WWTR1: variants seen among roughly 807,000 people sequenced by gnomAD.
WWTR1 encodes WW domain containing transcription regulator 1, also known as WW domain-containing transcription regulator protein 1.
In WWTR1, 13 loss-of-function variants were observed where a neutral mutation model predicts 40.1. That is an observed-to-expected ratio of 0.32 (90% CI 0.21 to 0.52). WWTR1 has a LOEUF of 0.52. Among genes scored for constraint, WWTR1 ranks in the 20% least tolerant of loss-of-function variants. The pLI is 0.97. For synonymous variants in WWTR1, 230 were observed against 210.1 expected, an observed-to-expected ratio of 1.09 and a Z score of -0.82; for missense variants, 436 against 523.1, an observed-to-expected ratio of 0.83 and a Z score of 1.63.
intron 4 of WWTR1, among the ~76,000 whole-genome samples, chr3:149,539,963 A>G (rs1427920926): frequency 6.6e-6 from 1 of 152,020 alleles, no homozygotes; most frequent in Non-Finnish European, 1.5e-5. Flanking sequence ...CTGCATGGGG[A>G]AAAAATCTGC....
chr3:149,687,206 C>T (rs933755535), intron 1 of WWTR1, among the ~76,000 whole-genome samples: 6 of 152,138 alleles, frequency 3.9e-5, no homozygotes, highest in Non-Finnish European at 7.3e-5. Context: ...ATTTTAGAGC[C>T]TGGGTTCCCC....
intron 4 of WWTR1, among the ~76,000 whole-genome samples, chr3:149,538,516 A>G (rs1201323324): frequency 1.3e-5 from 2 of 152,188 alleles, no homozygotes; most frequent in Admixed American, 6.5e-5. Context: ...TAATTCATCA[A>G]TTATCAGATA....
At chr3:149,571,411 T>G (rs1737624943) in intron 3 of WWTR1, among the ~76,000 whole-genome samples, 3 of 152,092 alleles carry the variant, frequency 2.0e-5, no homozygotes, top group Admixed American at 2.0e-4. Context: ...GGCATCTGAT[T>G]TCTACACGAG....
chr3:149,626,871 G>A (rs1437174934), intron 2 of WWTR1, among the ~76,000 whole-genome samples: 1 of 152,128 alleles, frequency 6.6e-6, no homozygotes, highest in Non-Finnish European at 1.5e-5. Context: ...CCACCAAGCA[G>A]CTGCTTGGCC....
Position 149,517,804 on chromosome 3 carries a change from C to A in WWTR1, c.*3001G>T, listed in dbSNP as rs1734854047. 6.6e-6 allele frequency: 1 copy of A among 152,164 alleles called. No individual in the cohort carries two copies. Among genetic ancestry groups the A allele is most frequent in the South Asian group, 2.1e-4 (1 of 4,830 alleles). 9.4% of individuals were successfully genotyped at this position (152,164 alleles called of 1,614,324 possible). A position where few individuals can be genotyped will look rare whatever the true frequency, so the allele number is the denominator to read the frequency against. On this transcript the variant is annotated 3_prime_UTR_variant, in exon 7 of 7. Transcript: ENST00000360632. The stretch of plus-strand genomic sequence containing the variant: ...CAATTAGGTTTTGACAATGTATTTA[C>A]TTCAAGACAATGTATTTTATCAGGA...
intron 2 of WWTR1, among the ~76,000 whole-genome samples, chr3:149,578,208 C>T (rs1047136446): frequency 3.9e-5 from 6 of 152,162 alleles, no homozygotes; most frequent in African/African-American, 1.4e-4. Flanking sequence ...TGTGGAGTCA[C>T]ATATACCTGG....
chr3:149,585,643 TTGG>T (rs1560072497), intron 2 of WWTR1, among the ~76,000 whole-genome samples: 1 of 152,166 alleles, frequency 6.6e-6, no homozygotes, highest in Admixed American at 6.5e-5. Context: ...ACTGCCCTTG[TTGG>T]TAATGAGTGC....
At chr3:149,607,475 C>A (rs946632038) in intron 2 of WWTR1, among the ~76,000 whole-genome samples, 1 of 152,000 alleles carries the variant, frequency 6.6e-6, no homozygotes, top group Non-Finnish European at 1.5e-5. Context: ...CCGCAATGCC[C>A]GGGTAAATTT....
chr3:149,541,117 C>A, intron 4 of WWTR1: 4 of 447,712 alleles, frequency 8.9e-6, no homozygotes, highest in Non-Finnish European at 1.8e-5. Context: ...ATTCATGTAT[C>A]TTGCTTCATG....
intron 4 of WWTR1, among the ~76,000 whole-genome samples, chr3:149,537,101 G>A (rs1560049416): frequency 6.6e-6 from 1 of 152,110 alleles, no homozygotes; most frequent in African/African-American, 2.4e-5. Flanking sequence ...CACTTCATTT[G>A]GTAAAGTTGC....
At chr3:149,701,337 G>A (rs926397860) in intron 1 of WWTR1, among the ~76,000 whole-genome samples, 2 of 152,102 alleles carry the variant, frequency 1.3e-5, no homozygotes, top group East Asian at 1.9e-4. Flanking sequence ...AGGCCTTTCC[G>A]ATCACCTGTG....
At chr3:149,603,030 T>G (rs550815041) in intron 2 of WWTR1, among the ~76,000 whole-genome samples, 2 of 152,318 alleles carry the variant, frequency 1.3e-5, no homozygotes, top group South Asian at 4.2e-4. Flanking sequence ...TTCTTTCTAC[T>G]CTAGGTTTCA....
chr3:149,620,570 C>CACA (rs1553799938), intron 2 of WWTR1, among the ~76,000 whole-genome samples: 13 of 150,498 alleles, frequency 8.6e-5, no homozygotes, highest in Non-Finnish European at 4.4e-5. Context: ...CCGCTCCCCC[C>CACA]CACACACACA....
At chr3:149,618,058 ATTAC>A (rs1740076331) in intron 2 of WWTR1, among the ~76,000 whole-genome samples, 2 of 152,342 alleles carry the variant, frequency 1.3e-5, no homozygotes, top group Admixed American at 6.5e-5. Context: ...AAGAACTATA[ATTAC>A]TTTTGAAATA....
chr3:149,531,810 C>A lies in WWTR1; in HGVS notation c.772-3841G>T, dbSNP rs902521812. Among the ~76,000 whole-genome samples, 17 of 152,168 alleles carry A rather than the reference C, an allele frequency of 1.1e-4. 1 individual carries two copies. The highest frequency in any genetic ancestry group is 9.8e-4 in the Admixed American group (15 of 15,278). ...AATGTAAGCTCCACGAGGGAAGGGGCCTTGTTTGTCATGTTCACTCCTGTA... is the reference window on the plus strand; with the variant it reads ...AATGTAAGCTCCACGAGGGAAGGGGACTTGTTTGTCATGTTCACTCCTGTA... On this transcript the variant is annotated intron_variant, in intron 4 of 6. Transcript: ENST00000360632.
chr3:149,638,302 G>A (rs1019669150), intron 2 of WWTR1, among the ~76,000 whole-genome samples: 2 of 152,068 alleles, frequency 1.3e-5, no homozygotes, highest in Non-Finnish European at 2.9e-5. Flanking sequence ...CACTTTAATC[G>A]TTTACGGAGC....
intron 1 of WWTR1, among the ~76,000 whole-genome samples, chr3:149,671,251 C>T (rs1344788166): frequency 6.6e-6 from 1 of 152,100 alleles, no homozygotes; most frequent in East Asian, 1.9e-4. Context: ...TACACCTGGC[C>T]TCTCAACACC....
intron 2 of WWTR1, among the ~76,000 whole-genome samples, chr3:149,619,874 C>T (rs544135364): frequency 6.6e-6 from 1 of 152,250 alleles, no homozygotes; most frequent in African/African-American, 2.4e-5. Context: ...CATATTATAT[C>T]AATGGTCTCG....
intron 1 of WWTR1, among the ~76,000 whole-genome samples, chr3:149,698,077 T>C (rs991117720): frequency 7.2e-5 from 11 of 152,238 alleles, no homozygotes; most frequent in Non-Finnish European, 1.3e-4. Context: ...TGGAGTTGAG[T>C]ACTTGCATGT....
Sources: allele counts gnomAD v4.1 joint callset (sites outside exome capture counted in the v4.1 genomes callset), GRCh38; gene constraint gnomAD v4.1.1; transcripts MANE v1.5; gene names NCBI Gene and HGNC (gene_info 2026-07-23, HGNC 2026-07-21).